TRHDE: variants seen among roughly 807,000 people sequenced by gnomAD.
The protein encoded by TRHDE is thyrotropin releasing hormone degrading enzyme.
A neutral mutation model predicts 125.7 loss-of-function variants in TRHDE; 72 were observed. The observed-to-expected ratio is 0.57, with a 90% CI of 0.47 to 0.70. The LOEUF is 0.70. Ranked by LOEUF, TRHDE falls within the 30% of genes least tolerant of loss-of-function variation. The pLI is 0.00. For synonymous variants in TRHDE, 509 were observed against 509.1 expected (o/e 1.00, Z 0.00); for missense variants, 1,110 against 1,327.1 (o/e 0.84, Z 2.54).
rs1565827755 is a variant in TRHDE, at chr12:72,663,867, C to A, written c.*672C>A. The A allele has an allele frequency of 1.3e-5, 2 of 151,972 alleles. No homozygotes were observed. Among genetic ancestry groups the A allele is most frequent in the African/African-American group, 4.8e-5 (2 of 41,366 alleles). The allele number at this position is 151,972 out of a possible 1,614,324, so 9.4% of individuals were successfully genotyped here. On this transcript the variant is annotated 3_prime_UTR_variant, in exon 19 of 19. Coordinates refer to ENST00000261180, the MANE Select transcript of TRHDE (RefSeq NM_013381.3). Reference sequence around the variant, plus strand: ...TTAAAAGGCATATAGATAGTGTATGCATATGTATATGTACATAGGGAAGCC... The same window carrying A: ...TTAAAAGGCATATAGATAGTGTATGAATATGTATATGTACATAGGGAAGCC...
chr12:72,188,495 G>A (rs1213383947), intron 2 of TRHDE, among the ~76,000 whole-genome samples: 1 of 152,230 alleles, frequency 6.6e-6, no homozygotes, highest in Admixed American at 6.5e-5. Context: ...GTAGAGTTGG[G>A]ATAGTAACAG....
At chr12:72,359,821 G>GA (rs775372665) in intron 2 of TRHDE, among the ~76,000 whole-genome samples, 6 of 151,502 alleles carry the variant, frequency 4.0e-5, no homozygotes, top group Non-Finnish European at 5.9e-5. Flanking sequence ...AGGACATTTT[G>GA]AAAAAGAAAA....
intron 3 of TRHDE, among the ~76,000 whole-genome samples, chr12:72,384,786 A>T (rs371660865): frequency 6.6e-6 from 1 of 152,046 alleles, no homozygotes; most frequent in Non-Finnish European, 1.5e-5. Flanking sequence ...ATAAACATAT[A>T]TATTTTTTAT....
At chr12:72,105,685 C>T (rs1875170701) in exon 2 of TRHDE, 1 of 152,122 alleles carries the variant, frequency 6.6e-6, no homozygotes, top group South Asian at 2.1e-4. Flanking sequence ...TGGTCAAGAT[C>T]ATACAGCTAA....
At chr12:72,338,053 C>T (rs1463661297) in intron 2 of TRHDE, among the ~76,000 whole-genome samples, 2 of 152,060 alleles carry the variant, frequency 1.3e-5, no homozygotes, top group South Asian at 2.1e-4. Context: ...AACTGGAACT[C>T]GAAAATATGT....
intron 12 of TRHDE, among the ~76,000 whole-genome samples, chr12:72,590,211 T>A (rs928633226): frequency 6.6e-6 from 1 of 152,042 alleles, no homozygotes; most frequent in Non-Finnish European, 1.5e-5. Context: ...ACAATTCCAT[T>A]GTGGTTAGAG....
chr12:72,251,604 A>G (rs1192227749), intron 2 of TRHDE, among the ~76,000 whole-genome samples: 2 of 152,084 alleles, frequency 1.3e-5, no homozygotes, highest in South Asian at 2.1e-4. Context: ...TTTGGCTACT[A>G]TGAAAAATGC....
chr12:72,254,816 G>T (rs1878770412), intron 2 of TRHDE: 1 of 151,972 alleles, frequency 6.6e-6, no homozygotes, highest in African/African-American at 2.4e-5. Context: ...TTTCTTTCTT[G>T]CATCATCAAG....
At chr12:72,117,037 T>A (rs1376914278) in intron 2 of TRHDE, among the ~76,000 whole-genome samples, 1 of 152,168 alleles carries the variant, frequency 6.6e-6, no homozygotes, top group Non-Finnish European at 1.5e-5. Context: ...TCCCATTCTG[T>A]GGGTTGTCTC....
intron 4 of TRHDE, among the ~76,000 whole-genome samples, chr12:72,472,325 G>T (rs914921649): frequency 1.3e-5 from 2 of 152,082 alleles, no homozygotes; most frequent in Admixed American, 6.5e-5. Flanking sequence ...AATAAGAAAA[G>T]AATTCCTTTA....
upstream of TRHDE, among the ~76,000 whole-genome samples, chr12:72,271,431 G>T (rs1212334311): frequency 6.6e-6 from 1 of 152,054 alleles, no homozygotes; most frequent in Non-Finnish European, 1.5e-5. Flanking sequence ...GCGCGGTGGG[G>T]CTAAGGAGTC....
intron 2 of TRHDE, among the ~76,000 whole-genome samples, chr12:72,322,639 T>A (rs1408362279): frequency 6.6e-6 from 1 of 152,128 alleles, no homozygotes; most frequent in African/African-American, 2.4e-5. Flanking sequence ...AATTCAGTGT[T>A]TGCAACAACT....
chr12:72,532,085 T>A (rs187086020), intron 6 of TRHDE, among the ~76,000 whole-genome samples: 1 of 152,080 alleles, frequency 6.6e-6, no homozygotes, highest in Non-Finnish European at 1.5e-5. Context: ...TTCTTCATTT[T>A]TACATCCTTG....
chr12:72,100,152 G>A (rs2139288426), intron 1 of TRHDE, among the ~76,000 whole-genome samples: 1 of 152,174 alleles, frequency 6.6e-6, no homozygotes, highest in African/African-American at 2.4e-5. Context: ...TAGACTGTAG[G>A]ACCCTTGGCA....
chr12:72,572,161 T>C (rs1006739182), intron 10 of TRHDE, among the ~76,000 whole-genome samples: 9 of 152,192 alleles, frequency 5.9e-5, no homozygotes, highest in Non-Finnish European at 1.0e-4. Flanking sequence ...CAGTATGTAT[T>C]ATTTTCCCTG....
intron 2 of TRHDE, among the ~76,000 whole-genome samples, chr12:72,131,219 C>T (rs545763268): frequency 9.6e-4 from 145 of 151,652 alleles, no homozygotes; most frequent in African/African-American, 3.3e-3. Flanking sequence ...CTACAGGCGC[C>T]CGCCACCACG....
In TRHDE at chr12:72,148,105, G is replaced by T. The variant is rs1384900214; in HGVS notation, n.279+42353G>T. On this transcript the variant is annotated intron_variant and non_coding_transcript_variant, in intron 2 of 4. Transcript: ENST00000548156. Reference sequence around the variant, plus strand: ...CAGAACAAATATTTGTATTTTAGATGTGACAAAAAGATCTCAGAGAGGTGA... The same window carrying T: ...CAGAACAAATATTTGTATTTTAGATTTGACAAAAAGATCTCAGAGAGGTGA... Among the ~76,000 whole-genome samples, 4 of 152,284 alleles carry T rather than the reference G, an allele frequency of 2.6e-5. No individual in the cohort carries two copies. The East Asian group carries it at 7.7e-4, about 29-fold the overall frequency.
chr12:72,512,305 G>A (rs185347429), intron 6 of TRHDE, among the ~76,000 whole-genome samples: 183 of 150,138 alleles, frequency 1.2e-3, no homozygotes, highest in African/African-American at 4.2e-3. Context: ...TTTGCAGTGG[G>A]TTTATTTATG....
chr12:72,286,564 A>G, intron 1 of TRHDE, 117 bp from the exon 2 acceptor site: 1 of 1,015,830 alleles, frequency 9.8e-7, no homozygotes, highest in Non-Finnish European at 1.4e-6. Flanking sequence ...AGTTTGGTTC[A>G]GAAAAAAATA....
Sources: allele counts gnomAD v4.1 joint callset (sites outside exome capture counted in the v4.1 genomes callset), GRCh38; gene constraint gnomAD v4.1.1; transcripts MANE v1.5; gene names NCBI Gene and HGNC (gene_info 2026-07-23, HGNC 2026-07-21).